SEZ6L: variants seen among roughly 807,000 people sequenced by gnomAD.
SEZ6L encodes the protein seizure 6-like protein.
SEZ6L carries 37 observed loss-of-function variants against 106.2 expected under a neutral mutation model. The ratio of observed to expected loss-of-function variants is 0.35; its 90% CI spans 0.27 to 0.46. SEZ6L has a LOEUF of 0.46. Among genes scored for constraint, SEZ6L ranks in the 20% least tolerant of loss-of-function variants. SEZ6L has a pLI of 1.00. For synonymous variants in SEZ6L, 541 were observed against 570.4 expected (o/e 0.95, Z 0.73); for missense variants, 1,172 against 1,332.8 (o/e 0.88, Z 1.88).
intron 9 of SEZ6L, among the ~76,000 whole-genome samples, chr22:26,332,259 C>T (rs545046870): frequency 6.7e-6 from 1 of 150,366 alleles, no homozygotes; most frequent in Non-Finnish European, 1.5e-5. Flanking sequence ...AAGCAATTCT[C>T]CTACCTCAGC....
chr22:26,233,473 A>C (rs1224760691), intron 1 of SEZ6L, among the ~76,000 whole-genome samples: 2 of 152,206 alleles, frequency 1.3e-5, no homozygotes, highest in Non-Finnish European at 2.9e-5. Context: ...GTATTCATAG[A>C]ACCCCATGCC....
At chr22:26,177,952 G>A (rs1939131668) in intron 1 of SEZ6L, among the ~76,000 whole-genome samples, 2 of 152,294 alleles carry the variant, frequency 1.3e-5, no homozygotes, top group South Asian at 4.1e-4. Context: ...GCAGAGCCAG[G>A]ACTTGAACCC....
chr22:26,264,915 CT>C (rs1421735313), intron 1 of SEZ6L, among the ~76,000 whole-genome samples: 4 of 152,162 alleles, frequency 2.6e-5, no homozygotes, highest in Non-Finnish European at 5.9e-5. Flanking sequence ...AGTTTATTTC[CT>C]CCCTTCCTTG....
At chr22:26,380,154 A>C (rs78930011) in intron 16 of SEZ6L, 112 bp from the exon 17 acceptor site, 33,638 of 995,482 alleles carry the variant, frequency 0.034, 1,329 homozygotes, top group African/African-American at 0.17. Flanking sequence ...GAGGGCACTG[A>C]AAAGTCACGA....
At chr22:26,270,162 G>A (rs2080317256) in intron 1 of SEZ6L, among the ~76,000 whole-genome samples, 1 of 152,284 alleles carries the variant, frequency 6.6e-6, no homozygotes, top group South Asian at 2.1e-4. Context: ...ATAGAACCTG[G>A]CACAGAAGGA....
At position 26,222,497 on chromosome 22, in the gene SEZ6L, G is replaced by A. The variant is rs564459035; in HGVS notation, c.94+52734G>A. On this transcript the variant is annotated intron_variant, in intron 1 of 16. Transcript: ENST00000248933. Reference sequence around the variant, plus strand: ...GGGAAGAGGTGACCAGCATTATTGAGCCCTTCTTGTGTTCTAGCCACTTGA... The same window carrying A: ...GGGAAGAGGTGACCAGCATTATTGAACCCTTCTTGTGTTCTAGCCACTTGA... Among the ~76,000 whole-genome samples, 8 of 152,238 alleles carry A rather than the reference G, an allele frequency of 5.3e-5. No individual in the cohort carries two copies. The South Asian group carries it at 1.5e-3, about 28-fold the overall frequency.
intron 9 of SEZ6L, among the ~76,000 whole-genome samples, chr22:26,321,657 T>A (rs553302591): frequency 1.3e-5 from 2 of 152,238 alleles, no homozygotes; most frequent in Non-Finnish European, 2.9e-5. Context: ...TTATCTTGCT[T>A]GGTTTTCCAC....
intron 9 of SEZ6L, among the ~76,000 whole-genome samples, chr22:26,331,290 C>T (rs576042324): frequency 9.1e-4 from 138 of 152,290 alleles, no homozygotes; most frequent in African/African-American, 3.2e-3. Flanking sequence ...ACTCTCTAGA[C>T]CCCAGTGAAA....
At chr22:26,311,173 C>T (rs527819401) in intron 7 of SEZ6L, among the ~76,000 whole-genome samples, 10 of 152,174 alleles carry the variant, frequency 6.6e-5, no homozygotes, top group Middle Eastern at 3.4e-3. Flanking sequence ...CTTGGGTGAC[C>T]GGCCCAAGAC....
intron 12 of SEZ6L, among the ~76,000 whole-genome samples, chr22:26,361,520 AATATAT>A (rs71734405): frequency 1.0e-4 from 13 of 124,266 alleles, no homozygotes; most frequent in South Asian, 2.6e-4. Flanking sequence ...AAAAAAAAAA[AATATAT>A]ATATATATAT....
chr22:26,228,319 A>G (rs1207597796), intron 1 of SEZ6L, among the ~76,000 whole-genome samples: 1 of 152,214 alleles, frequency 6.6e-6, no homozygotes, highest in Non-Finnish European at 1.5e-5. Flanking sequence ...TTGTGGCCCA[A>G]ATCAGAGTGG....
At chr22:26,319,369 C>T (rs566340998) in intron 9 of SEZ6L, among the ~76,000 whole-genome samples, 1 of 152,188 alleles carries the variant, frequency 6.6e-6, no homozygotes, top group Admixed American at 6.5e-5. Flanking sequence ...GTCATAGCAC[C>T]CATGCTCTGC....
intron 1 of SEZ6L, among the ~76,000 whole-genome samples, chr22:26,253,213 G>A (rs2079667810): frequency 6.6e-6 from 1 of 152,128 alleles, no homozygotes; most frequent in Non-Finnish European, 1.5e-5. Flanking sequence ...AGGTCTTCCT[G>A]CTCCTAGGCC....
At chr22:26,301,269 A>G (rs1375788332) in intron 5 of SEZ6L, among the ~76,000 whole-genome samples, 1 of 152,216 alleles carries the variant, frequency 6.6e-6, no homozygotes, top group African/African-American at 2.4e-5. Context: ...TCGAGGACAG[A>G]AGGAATTTTA....
intron 1 of SEZ6L, among the ~76,000 whole-genome samples, chr22:26,243,343 A>G (rs2079202484): frequency 2.6e-5 from 4 of 152,230 alleles, no homozygotes; most frequent in Admixed American, 2.6e-4. Context: ...AGCAGGGTTA[A>G]GGAGGATTTC....
At chr22:26,311,176 C>T (rs1338971153) in intron 7 of SEZ6L, among the ~76,000 whole-genome samples, 1 of 152,118 alleles carries the variant, frequency 6.6e-6, no homozygotes, top group Non-Finnish European at 1.5e-5. Context: ...GGGTGACCGG[C>T]CCAAGACCAC....
chr22:26,367,657 A>G (rs1440752190), intron 13 of SEZ6L, among the ~76,000 whole-genome samples: 1 of 152,064 alleles, frequency 6.6e-6, no homozygotes, highest in Non-Finnish European at 1.5e-5. Context: ...CCCTGCTTAG[A>G]GAACCCTGCT....
intron 1 of SEZ6L, among the ~76,000 whole-genome samples, chr22:26,289,056 C>T (rs1256245623): frequency 6.6e-6 from 1 of 152,234 alleles, no homozygotes; most frequent in East Asian, 1.9e-4. Context: ...GCTAGAAAGG[C>T]CCTTCTTTCA....
intron 9 of SEZ6L, among the ~76,000 whole-genome samples, chr22:26,316,055 A>G (rs1465508062): frequency 6.6e-6 from 1 of 152,120 alleles, no homozygotes; most frequent in East Asian, 1.9e-4. Context: ...TCTGTCTCAA[A>G]AAAAAATAAA....
Sources: allele counts gnomAD v4.1 joint callset (sites outside exome capture counted in the v4.1 genomes callset), GRCh38; gene constraint gnomAD v4.1.1; transcripts MANE v1.5; gene names NCBI Gene and HGNC (gene_info 2026-07-23, HGNC 2026-07-21).